Variants in PLXNA2 observed in about 807,000 individuals in gnomAD.
The protein encoded by PLXNA2 is plexin A2, also known as plexin-A2.
In PLXNA2, 91 loss-of-function variants were observed where a neutral mutation model predicts 193.5. The observed-to-expected ratio is 0.47, with a 90% CI of 0.40 to 0.56. PLXNA2 has a LOEUF of 0.56. Among genes scored for constraint, PLXNA2 ranks in the 20% least tolerant of loss-of-function variants. PLXNA2 has a pLI of 0.00. For missense variants in PLXNA2, 1,995 were observed against 2,503.2 expected (o/e 0.80, Z 4.33); for synonymous variants, 997 against 1,027.3 (o/e 0.97, Z 0.56).
At chr1:208,075,089 T>C (rs916179021) in intron 12 of PLXNA2, among the ~76,000 whole-genome samples, 1 of 152,182 alleles carries the variant, frequency 6.6e-6, no homozygotes, top group Non-Finnish European at 1.5e-5. Context: ...GGTGGGCGGA[T>C]CACCTGAGGT....
At chr1:208,065,434 C>G (rs1665760096) in intron 12 of PLXNA2, among the ~76,000 whole-genome samples, 1 of 152,196 alleles carries the variant, frequency 6.6e-6, no homozygotes, top group South Asian at 2.1e-4. Flanking sequence ...ATGCTTGCCT[C>G]ACAGGGATGA....
chr1:208,080,485 T>G (rs954521937), intron 11 of PLXNA2, among the ~76,000 whole-genome samples: 4 of 152,198 alleles, frequency 2.6e-5, no homozygotes, highest in African/African-American at 9.6e-5. Flanking sequence ...ATTTTTCCAC[T>G]CTTTTGGTCA....
At chr1:208,226,473 T>C (rs1671514453) in intron 1 of PLXNA2, among the ~76,000 whole-genome samples, 1 of 151,646 alleles carries the variant, frequency 6.6e-6, no homozygotes, top group African/African-American at 2.4e-5. Flanking sequence ...AAGTTTGGAG[T>C]TGTATCCCTG....
chr1:208,039,509 C>A, intron 24 of PLXNA2, 112 bp downstream of exon 24: 2 of 1,457,754 alleles, frequency 1.4e-6, no homozygotes. Context: ...CACCCCAGAC[C>A]AGCCTCCCAT....
At chr1:208,036,172 G>A (rs759634708) in intron 26 of PLXNA2, among the ~76,000 whole-genome samples, 23 of 152,210 alleles carry the variant, frequency 1.5e-4, no homozygotes, top group Non-Finnish European at 1.9e-4. Context: ...CTCTACCTCC[G>A]TCTTTCAGGA....
chr1:208,108,329 C>A (rs188209225), intron 4 of PLXNA2, among the ~76,000 whole-genome samples: 4 of 152,308 alleles, frequency 2.6e-5, no homozygotes, highest in Non-Finnish European at 5.9e-5. Context: ...AGTGTTTGGA[C>A]CATCCAAGGT....
At chr1:208,048,134 A>G (rs1306962080) in intron 17 of PLXNA2, among the ~76,000 whole-genome samples, 1 of 152,108 alleles carries the variant, frequency 6.6e-6, no homozygotes, top group Non-Finnish European at 1.5e-5. Flanking sequence ...TCCTCTATGA[A>G]TAAGCAAATC....
Position 208,082,535 on chromosome 1 carries a change from G to A in PLXNA2, c.2299-27C>T, listed in dbSNP as rs541168370. 1.3e-5 allele frequency: 19 copies of A among 1,513,536 alleles called. No individual in the cohort carries two copies. In the South Asian group the frequency reaches 1.4e-4, roughly 11 times the overall value. 93.8% of individuals were successfully genotyped at this position (1,513,536 alleles called of 1,614,324 possible). On this transcript the variant is annotated intron_variant, in intron 10 of 31. Coordinates refer to ENST00000367033, the MANE Select transcript of PLXNA2 (RefSeq NM_025179.4). The surrounding 1 kb of genome is among the most constrained non-coding windows in gnomAD (Gnocchi z 4.2). The stretch of plus-strand genomic sequence containing the variant: ...TATAGGGAGACGGGCAGAGGCATGG[G>A]GCTCATGTGGCTCTCTATCACAGGG...
intron 3 of PLXNA2, among the ~76,000 whole-genome samples, chr1:208,207,047 T>C (rs12739373): frequency 0.96 from 146,336 of 152,054 alleles, 70,671 homozygotes; most frequent in Middle Eastern, 1. Flanking sequence ...ACTCTGTTGC[T>C]CAGGCTGGAG....
chr1:208,183,465 A>C (rs1669905870), intron 3 of PLXNA2, among the ~76,000 whole-genome samples: 1 of 152,166 alleles, frequency 6.6e-6, no homozygotes, highest in Non-Finnish European at 1.5e-5. Flanking sequence ...CACAGCCAGG[A>C]GCTGTTGCTG....
At chr1:208,048,789 T>C (rs1333498016) in intron 17 of PLXNA2, among the ~76,000 whole-genome samples, 1 of 152,230 alleles carries the variant, frequency 6.6e-6, no homozygotes, top group Non-Finnish European at 1.5e-5. Flanking sequence ...CTGGACTGTA[T>C]TAATTACGTC....
At chr1:208,084,602 C>G (rs1666451322) in intron 9 of PLXNA2, 22 bp from the exon 10 acceptor site, 1 of 1,609,082 alleles carries the variant, frequency 6.2e-7, no homozygotes, top group South Asian at 1.1e-5. Context: ...AACGAAGAGG[C>G]TCCATCTGTC....
In PLXNA2 at chr1:208,039,612, C is replaced by T; in HGVS notation, c.4500+9G>A. 1 of 1,613,246 alleles carries T rather than the reference C, an allele frequency of 6.2e-7. No individual in the cohort carries two copies. Among genetic ancestry groups the T allele is most frequent in the Non-Finnish European group, 8.5e-7 (1 of 1,180,000 alleles). On this transcript the variant is annotated intron_variant, in intron 24 of 31. Transcript: ENST00000367033. Reference sequence around the variant, plus strand: ...ACACAGGCGGGCCCGGAGCTTCCGGCTTCCTCACCAGGGTCTTGTACTCGA... The same window carrying T: ...ACACAGGCGGGCCCGGAGCTTCCGGTTTCCTCACCAGGGTCTTGTACTCGA...
chr1:208,230,241 A>G (rs929803012), intron 1 of PLXNA2: 1 of 152,250 alleles, frequency 6.6e-6, no homozygotes, highest in African/African-American at 2.4e-5. Flanking sequence ...ATTGGTGATC[A>G]TTGTGCAGCA....
chr1:208,052,955 G>A (rs543070528), intron 14 of PLXNA2, among the ~76,000 whole-genome samples: 2 of 152,006 alleles, frequency 1.3e-5, no homozygotes, highest in South Asian at 2.1e-4. Context: ...GGCACAGCAG[G>A]GCACCTGGTG....
Position 208,045,812 on chromosome 1 carries a change from A to G in PLXNA2, c.3495+66T>C. 3 of 1,590,094 alleles carry G rather than the reference A, an allele frequency of 1.9e-6. No individual in the cohort carries two copies. The South Asian group carries it at 3.4e-5, about 18-fold the overall frequency. The stretch of plus-strand genomic sequence containing the variant: ...AGCCAGAAAGAAAGAAAGTCAGGCC[A>G]GGAGCGAGGGGCGCCCTCTGGCATT... On this transcript the variant is annotated intron_variant, in intron 18 of 31. Coordinates refer to ENST00000367033, the MANE Select transcript of PLXNA2 (RefSeq NM_025179.4).
chr1:208,131,882 CACAG>C (rs1375006441), intron 4 of PLXNA2, among the ~76,000 whole-genome samples: 1 of 152,162 alleles, frequency 6.6e-6, no homozygotes, highest in Non-Finnish European at 1.5e-5. Context: ...TTTGCAGCCA[CACAG>C]ACAGGCTCCT....
intron 1 of PLXNA2, among the ~76,000 whole-genome samples, chr1:208,224,163 G>A (rs183692658): frequency 3.3e-5 from 5 of 152,162 alleles, no homozygotes; most frequent in South Asian, 2.1e-4. Flanking sequence ...CAAAAGCCCC[G>A]GGTAATGCCG....
chr1:208,060,704 T>C lies in PLXNA2; in HGVS notation c.2720A>G (p.Glu907Gly). The C allele has an allele frequency of 1.2e-6, 2 of 1,613,526 alleles. No homozygotes were observed. Among genetic ancestry groups the C allele is most frequent in the Non-Finnish European group, 1.7e-6 (2 of 1,179,758 alleles). Reference protein sequence around the residue: ...AGVPCTPLPGEYIIAEQIVCE... With the variant: ...AGVPCTPLPGGYIIAEQIVCE... ...GACTCACTGCTCAGCGATGATGTAT[T>C]CCCCTGGGAGGGGCGTGCAGGGCAC... is the stretch of plus-strand genomic sequence containing the variant. Residue 907 changes from glutamate to glycine, a missense_variant, in exon 13 of 32, where the codon GAA (glutamate) becomes GGA (glycine). By Grantham distance (98) the Glu-to-Gly change is moderately conservative. Around this residue, in one of 3 missense-constraint regions of PLXNA2, gnomAD observed 1,291 missense variants for 1,673.6 expected, o/e 0.77. Coordinates refer to ENST00000367033, the MANE Select transcript of PLXNA2 (RefSeq NM_025179.4).
Sources: allele counts gnomAD v4.1 joint callset (sites outside exome capture counted in the v4.1 genomes callset), GRCh38; gene constraint gnomAD v4.1.1; regional missense constraint gnomAD v4.1.1; non-coding constraint Gnocchi (gnomAD v3.1); transcripts MANE v1.5; gene names NCBI Gene and HGNC (gene_info 2026-07-23, HGNC 2026-07-21).